Variants in CRHR1 observed in about 807,000 individuals in gnomAD.
CRHR1 encodes the protein corticotropin-releasing hormone receptor 1.
In CRHR1, 28 loss-of-function variants were observed where a neutral mutation model predicts 56.0. The observed-to-expected ratio is 0.50, with a 90% CI of 0.37 to 0.69. The LOEUF (loss-of-function observed/expected upper bound fraction) is 0.69. Ranked by LOEUF, CRHR1 falls within the 30% of genes least tolerant of loss-of-function variation. CRHR1 has a pLI of 0.00. For missense variants in CRHR1, 376 were observed against 548.0 expected (o/e 0.69, Z 3.13); for synonymous variants, 195 against 216.5 (o/e 0.90, Z 0.87).
chr17:45,785,850 A>G (rs1003511398), intron 1 of CRHR1, among the ~76,000 whole-genome samples: 2 of 152,196 alleles, frequency 1.3e-5, no homozygotes, highest in African/African-American at 4.8e-5. Context: ...GATTCTTAAA[A>G]TGATCAAGGG....
At chr17:45,812,715 C>T (rs1020978628) in intron 2 of CRHR1, among the ~76,000 whole-genome samples, 4 of 152,142 alleles carry the variant, frequency 2.6e-5, no homozygotes, top group African/African-American at 7.2e-5. Flanking sequence ...CCTGACTTCC[C>T]GCCTGCCTCT....
chr17:45,809,634 G>A lies in CRHR1; in HGVS notation c.121+2537G>A, dbSNP rs16940652. On this transcript the variant is annotated intron_variant, in intron 2 of 12. Coordinates refer to ENST00000314537, the MANE Select transcript of CRHR1 (RefSeq NM_004382.5). ...TAATGGGCCATTTGTCTTCTGACTC[G>A]TAGACCTACCCAGACCGACGGGCAC... Among the ~76,000 whole-genome samples, 839 of 152,360 alleles carry A rather than the reference G, an allele frequency of 5.5e-3. 10 individuals carry two copies. Among genetic ancestry groups the A allele is most frequent in the African/African-American group, 0.019 (794 of 41,580 alleles).
At chr17:45,830,974 G>A (rs748061102) in intron 8 of CRHR1, 34 bp downstream of exon 8, 3 of 1,607,982 alleles carry the variant, frequency 1.9e-6, no homozygotes, top group African/African-American at 1.3e-5. Context: ...TGACCCCAAG[G>A]TTTAGGCTCC....
chr17:45,801,216 TG>T (rs1353918046), intron 1 of CRHR1, among the ~76,000 whole-genome samples: 4 of 152,114 alleles, frequency 2.6e-5, no homozygotes, highest in Non-Finnish European at 5.9e-5. Flanking sequence ...TCCTCCCCAC[TG>T]CCCATCCCTT....
At chr17:45,830,329 C>T in intron 6 of CRHR1, 88 bp from the exon 7 acceptor site, 1 of 1,579,866 alleles carries the variant, frequency 6.3e-7, no homozygotes, top group Non-Finnish European at 8.6e-7. Flanking sequence ...CCAGGGTATG[C>T]CCTGTCCTGC....
chr17:45,832,380 A>T (rs931138084), intron 8 of CRHR1, among the ~76,000 whole-genome samples: 1 of 152,258 alleles, frequency 6.6e-6, no homozygotes, highest in African/African-American at 2.4e-5. Flanking sequence ...TGCAGACCAG[A>T]GGCCCGAGGA....
At chr17:45,790,708 C>A (rs1190646577) in intron 1 of CRHR1, among the ~76,000 whole-genome samples, 1 of 152,160 alleles carries the variant, frequency 6.6e-6, no homozygotes, top group Non-Finnish European at 1.5e-5. Flanking sequence ...TGGTTGGGAG[C>A]CAGTGCGCCT....
intron 1 of CRHR1, among the ~76,000 whole-genome samples, chr17:45,798,828 C>G (rs2146284695): frequency 6.6e-6 from 1 of 152,344 alleles, no homozygotes; most frequent in East Asian, 1.9e-4. Flanking sequence ...CCTCCCTTAA[C>G]TGTAGGCAGG....
intron 1 of CRHR1, among the ~76,000 whole-genome samples, chr17:45,806,578 TCAGC>T (rs879845942): frequency 0.093 from 14,107 of 152,252 alleles, 794 homozygotes; most frequent in Middle Eastern, 0.16. Flanking sequence ...CATGGGGATG[TCAGC>T]GGCCATGGTG....
chr17:45,829,193 C>T lies in CRHR1; in HGVS notation c.328-22C>T, dbSNP rs901140457. The T allele has an allele frequency of 3.8e-6, 6 of 1,592,872 alleles. No homozygotes were observed. The African/African-American group carries it at 5.4e-5, about 14-fold the overall frequency. Reference sequence around the variant, plus strand: ...CTCCCATCCAGCAGAAGGCTCACCTCTGCCCCTCTCTCCTGCTCCAGAAAA... The same window carrying T: ...CTCCCATCCAGCAGAAGGCTCACCTTTGCCCCTCTCTCCTGCTCCAGAAAA... On this transcript the variant is annotated intron_variant, in intron 4 of 12. Coordinates refer to ENST00000314537, the MANE Select transcript of CRHR1 (RefSeq NM_004382.5).
At chr17:45,802,612 A>G (rs923074947) in intron 1 of CRHR1, among the ~76,000 whole-genome samples, 3 of 152,230 alleles carry the variant, frequency 2.0e-5, no homozygotes, top group African/African-American at 7.2e-5. Flanking sequence ...AGATTCTGCT[A>G]CAGAGCAGAC....
intron 8 of CRHR1, 50 bp from the exon 9 acceptor site, chr17:45,833,088 C>T: frequency 1.3e-6 from 2 of 1,507,544 alleles, no homozygotes; most frequent in Non-Finnish European, 1.8e-6. Context: ...CCCATGCCAT[C>T]GAGGTGGACG....
intron 3 of CRHR1, 65 bp from the exon 4 acceptor site, chr17:45,821,290 G>A (rs1301280670): frequency 1.4e-6 from 2 of 1,441,072 alleles, no homozygotes; most frequent in African/African-American, 2.8e-5. Context: ...CATCCATCTG[G>A]GCCAGGATGG....
chr17:45,797,291 T>C (rs1386575624), intron 1 of CRHR1, among the ~76,000 whole-genome samples: 52 of 138,640 alleles, frequency 3.8e-4, no homozygotes, highest in African/African-American at 1.2e-3. Context: ...TTCTTTTTTT[T>C]TTTTTTTTTT....
At chr17:45,834,159 C>T (rs1876828) in intron 12 of CRHR1, 111 bp downstream of exon 12, 224,101 of 1,336,388 alleles carry the variant, frequency 0.17, 21,739 homozygotes, top group Non-Finnish European at 0.2. Flanking sequence ...TCCCTCCCTG[C>T]TCCTAGGTCC....
rs551130419 is a variant in CRHR1, at chr17:45,798,064, A to G, written c.34-8946A>G. Among the ~76,000 whole-genome samples the G allele has an allele frequency of 6.1e-4, 93 of 152,204 alleles. 2 individuals carry two copies. Among genetic ancestry groups the G allele is most frequent in the African/African-American group, 2.1e-3 (87 of 41,506 alleles). On this transcript the variant is annotated intron_variant, in intron 1 of 12. Coordinates refer to ENST00000314537, the MANE Select transcript of CRHR1 (RefSeq NM_004382.5). ...GGAGGAATAGAGAGGAAAATGAGAA[A>G]AAGGAAACAGCCCCCTACAATCTCC...
chr17:45,790,683 AAGCCCC>A (rs1041483397), intron 1 of CRHR1, among the ~76,000 whole-genome samples: 9 of 152,094 alleles, frequency 5.9e-5, no homozygotes, highest in African/African-American at 2.2e-4. Flanking sequence ...GCTGGTTTCC[AAGCCCC>A]AGCCAGTCTG....
intron 3 of CRHR1, among the ~76,000 whole-genome samples, chr17:45,819,134 C>G (rs1398835797): frequency 1.3e-5 from 2 of 152,194 alleles, no homozygotes; most frequent in Admixed American, 1.3e-4. Flanking sequence ...GGGACACGCT[C>G]TGAGTCTCAC....
At chr17:45,809,644 C>A (rs572152303) in intron 2 of CRHR1, among the ~76,000 whole-genome samples, 1 of 152,368 alleles carries the variant, frequency 6.6e-6, no homozygotes, top group Admixed American at 6.5e-5. Context: ...GTAGACCTAC[C>A]CAGACCGACG....
Sources: allele counts gnomAD v4.1 joint callset (sites outside exome capture counted in the v4.1 genomes callset), GRCh38; gene constraint gnomAD v4.1.1; transcripts MANE v1.5; gene names NCBI Gene and HGNC (gene_info 2026-07-23, HGNC 2026-07-21).